The following AFG3L2 variants were observed in gnomAD, a reference collection of about 807,000 sequenced individuals.
The protein encoded by AFG3L2 is AFG3 like matrix AAA peptidase subunit 2.
In AFG3L2, 54 loss-of-function variants were observed where a neutral mutation model predicts 94.5. The observed-to-expected ratio is 0.57, with a 90% CI of 0.46 to 0.72. The LOEUF (loss-of-function observed/expected upper bound fraction) is 0.72, where lower values mean the gene tolerates loss of function less well. Ranked by LOEUF, AFG3L2 falls within the 30% of genes least tolerant of loss-of-function variation. AFG3L2 has a pLI of 0.00. For missense variants in AFG3L2, 754 were observed against 994.9 expected (o/e 0.76, Z 3.26); for synonymous variants, 377 against 365.5 (o/e 1.03, Z -0.36).
rs770110473 is a variant in AFG3L2, at chr18:12,377,073, G to A, written c.10C>T (p.Arg4Cys). 4.2e-6 allele frequency: 6 copies of A among 1,424,386 alleles called. No homozygotes were observed. In the African/African-American group the frequency reaches 4.5e-5, roughly 11 times the overall value. The allele number at this position is 1,424,386 out of a possible 1,614,324, so 88.2% of individuals were successfully genotyped here. A position where few individuals can be genotyped will look rare whatever the true frequency, so the allele number is the denominator to read the frequency against. The change falls in exon 1 of 17, where the codon CGC (arginine) becomes TGC (cysteine). Residue 4 changes from arginine (R) to cysteine (C), a missense_variant. By Grantham distance (180) the Arg-to-Cys change is radical. Coordinates refer to ENST00000269143, the MANE Select transcript of AFG3L2 (RefSeq NM_006796.3). The part of the protein sequence containing the change: MAH[R>C]CLRLWGRGGC... ...CCCCGGCCCCACAGCCGCAAACAGC[G>A]GTGCGCCATGGCCGCCGCCGTGGCC...
In AFG3L2 at chr18:12,359,941, A is replaced by C. The variant is rs1416823026; in HGVS notation, c.738T>G (p.Ile246Met). The change falls in exon 7 of 17, where the codon ATT becomes ATG. Residue 246 changes from isoleucine to methionine, a missense_variant. By Grantham distance (10) the Ile-to-Met change is conservative. Transcript: ENST00000269143. ...TTTGAGATTACCCATCACTTTCAGC[A>C]ATGTAGACAACAGGCACCCGATTTT... ...EGENRVPVVY[I>M]AESDGSFLLS... is the part of the protein sequence containing the mutation. 6.2e-7 allele frequency: 1 copy of C among 1,613,734 alleles called. No homozygotes were observed. Among genetic ancestry groups the C allele is most frequent in the Admixed American group, 1.7e-5 (1 of 60,006 alleles).
At position 12,367,258 on chromosome 18, in the gene AFG3L2, C is replaced by A. The variant is rs759511178; in HGVS notation, c.399+18G>T. 1.2e-5 allele frequency: 19 copies of A among 1,613,944 alleles called. No homozygotes were observed. The South Asian group carries it at 1.9e-4, about 16-fold the overall frequency. On this transcript the variant is annotated intron_variant, in intron 4 of 16. Transcript: ENST00000269143. ...CACCATCATAACCTCAAAATTCACACAATGTATAGCATCAAACCTTCTGAA... is the reference window on the plus strand; with the variant it reads ...CACCATCATAACCTCAAAATTCACAAAATGTATAGCATCAAACCTTCTGAA...
rs139661305 is a variant in AFG3L2, at chr18:12,330,334, C to CAA, written c.2176-553_2176-552dup. 5.2e-3 allele frequency among the ~76,000 whole-genome samples: 764 copies of CAA among 147,502 alleles called. 5 individuals are homozygous for CAA. Among genetic ancestry groups the CAA allele is most frequent in the African/African-American group, 0.012 (502 of 40,396 alleles). On this transcript the variant is annotated intron_variant, in intron 16 of 16. Transcript: ENST00000269143. ...GAGCGAGACTCCTTCTCAAAACAAA[C>CAA]AAACAAAAAAAAATAGGAGGAGGCT... is the stretch of plus-strand genomic sequence containing the variant.
At chr18:12,348,229 C>A in intron 13 of AFG3L2, 44 bp downstream of exon 13, 3 of 1,528,804 alleles carry the variant, frequency 2.0e-6, no homozygotes, top group East Asian at 2.2e-5. Flanking sequence ...GCCTCAAATT[C>A]ATTTTATCAG....
intron 6 of AFG3L2, among the ~76,000 whole-genome samples, chr18:12,361,917 C>A (rs1464744617): frequency 2.0e-5 from 3 of 152,232 alleles, no homozygotes; most frequent in Admixed American, 2.0e-4. Context: ...CCCAACTCAG[C>A]CCCTGCTATC....
intron 15 of AFG3L2, among the ~76,000 whole-genome samples, chr18:12,339,327 C>T (rs1359477896): frequency 4.3e-4 from 63 of 147,738 alleles, no homozygotes; most frequent in African/African-American, 1.5e-3. Context: ...CCGAGGCGGG[C>T]GGATCACCTG....
rs144811773 is a variant in AFG3L2, at chr18:12,335,812, T to C, written c.2175+1529A>G. 2.6e-3 allele frequency among the ~76,000 whole-genome samples: 399 copies of C among 152,362 alleles called. 2 individuals carry two copies. Among genetic ancestry groups the C allele is most frequent in the African/African-American group, 9.2e-3 (384 of 41,596 alleles). ...GCTGGCCTTTTCTTCCTCAGAGCCC[T>C]GCTGCATGCTTTCCAGTGTTTTGGG... On this transcript the variant is annotated intron_variant, in intron 16 of 16. Transcript: ENST00000269143.
At chr18:12,332,708 A>G (rs2143087547) in intron 16 of AFG3L2, among the ~76,000 whole-genome samples, 1 of 149,314 alleles carries the variant, frequency 6.7e-6, no homozygotes, top group East Asian at 1.9e-4. Flanking sequence ...TCTCTAAAAG[A>G]TTAGGATTGT....
intron 5 of AFG3L2, 28 bp from the exon 6 acceptor site, chr18:12,363,884 T>C (rs1468385831): frequency 1.3e-6 from 2 of 1,516,836 alleles, no homozygotes; most frequent in Non-Finnish European, 9.2e-7. Flanking sequence ...AATTCACACA[T>C]AAATTCACAG....
At chr18:12,340,818 C>T (rs528059048) in intron 14 of AFG3L2, 82 of 186,006 alleles carry the variant, frequency 4.4e-4, no homozygotes, top group Non-Finnish European at 7.1e-4. Context: ...TGGTCTCGAA[C>T]GCCTGAGCTC....
intron 16 of AFG3L2, among the ~76,000 whole-genome samples, chr18:12,332,835 T>TACACACAC (rs71172073): frequency 7.4e-6 from 1 of 135,310 alleles, no homozygotes; most frequent in Non-Finnish European, 1.6e-5. Flanking sequence ...AATTTGCTTA[T>TACACACAC]ACACACACAC....
chr18:12,339,534 A>AGTGCGAGGCTC (rs1907870533), intron 15 of AFG3L2, among the ~76,000 whole-genome samples: 2 of 147,962 alleles, frequency 1.4e-5, no homozygotes, highest in Admixed American at 1.4e-4. Flanking sequence ...CCTGGGCAAC[A>AGTGCGAGGCTC]AGAGCAAAAC....
rs1308354639 is a variant in AFG3L2 at position 12,332,704 on chromosome 18, A to G, written c.2176-2921T>C. 2.7e-5 allele frequency among the ~76,000 whole-genome samples: 4 copies of G among 149,518 alleles called. No homozygotes were observed. The East Asian group carries it at 5.8e-4, about 22-fold the overall frequency. Reference sequence around the variant, plus strand: ...TATATATTTTTTGTCTATATCTCTAAAAGATTAGGATTGTTTAGAAAACCA... The same window carrying G: ...TATATATTTTTTGTCTATATCTCTAGAAGATTAGGATTGTTTAGAAAACCA... On this transcript the variant is annotated intron_variant, in intron 16 of 16. Coordinates refer to ENST00000269143, the MANE Select transcript of AFG3L2 (RefSeq NM_006796.3).
intron 1 of AFG3L2, among the ~76,000 whole-genome samples, chr18:12,373,382 G>C (rs1909049682): frequency 6.6e-6 from 1 of 152,192 alleles, no homozygotes; most frequent in Non-Finnish European, 1.5e-5. Context: ...GTCCGAAGGG[G>C]AATCAGAACC....
chr18:12,366,276 T>A (rs1030739990), intron 5 of AFG3L2, among the ~76,000 whole-genome samples: 5 of 152,234 alleles, frequency 3.3e-5, no homozygotes, highest in Admixed American at 6.5e-5. Context: ...AGCATCTTAT[T>A]AGATTTGTCT....
At chr18:12,350,612 T>C (rs1208925668) in intron 12 of AFG3L2, among the ~76,000 whole-genome samples, 1 of 152,214 alleles carries the variant, frequency 6.6e-6, no homozygotes, top group African/African-American at 2.4e-5. Context: ...ATTACACCAT[T>C]TCCTCAAAAT....
At position 12,356,771 on chromosome 18, in the gene AFG3L2, C is replaced by T. The variant is rs769564788; in HGVS notation, c.1087G>A (p.Gly363Arg). Residue 363 changes from glycine to arginine, a missense_variant, in exon 9 of 17, where the codon GGA becomes AGA. Gly to Arg is a moderately radical substitution (Grantham distance 125). Coordinates refer to ENST00000269143, the MANE Select transcript of AFG3L2 (RefSeq NM_006796.3). ...GTGATGAAGGGGACATTGGCTTCTC[C>T]GGCTGTGGCCTTAGCTAGCAGCGTC... The part of the protein sequence containing the change: ...GKTLLAKATA[G>R]EANVPFITVS... 9 of 1,614,076 alleles carry T rather than the reference C, an allele frequency of 5.6e-6. No individual in the cohort carries two copies. The highest frequency in any genetic ancestry group is 1.7e-5 in the Admixed American group (1 of 59,996).
Position 12,358,838 on chromosome 18 carries a change from G to A in AFG3L2, c.858C>T (p.Gly286=), listed in dbSNP as rs765629936. 2.2e-5 allele frequency: 36 copies of A among 1,614,088 alleles called. No homozygotes were observed. The highest frequency in any genetic ancestry group is 2.7e-5 in the Non-Finnish European group (32 of 1,180,044). ...TGGTTTCTCCGACACTGAAGAGTCC[G>A]CCCATCCCTCGGCCTGTCCGGCCAA... ...AGIGRTGRGM[G]GLFSVGETTA... The change falls in exon 8 of 17, where the codon GGC becomes GGT. Residue 286 remains glycine, a synonymous_variant. Transcript: ENST00000269143.
chr18:12,356,110 A>C (rs534891817), intron 9 of AFG3L2, among the ~76,000 whole-genome samples: 4 of 137,246 alleles, frequency 2.9e-5, no homozygotes, highest in Non-Finnish European at 6.4e-5. Context: ...TATCTCAATA[A>C]ATGTTGTCAC....
Sources: allele counts gnomAD v4.1 joint callset (sites outside exome capture counted in the v4.1 genomes callset), GRCh38; gene constraint gnomAD v4.1.1; transcripts MANE v1.5; gene names NCBI Gene and HGNC (gene_info 2026-07-23, HGNC 2026-07-21).